The following GRK5 variants were observed in gnomAD, a reference collection of about 807,000 sequenced individuals.
GRK5 encodes g protein-coupled receptor kinase GRK5.
A neutral mutation model predicts 78.4 loss-of-function variants in GRK5; 40 were observed. The ratio of observed to expected loss-of-function variants is 0.51; its 90% CI spans 0.40 to 0.66. GRK5 has a LOEUF of 0.66. GRK5 is among the 30% of genes least tolerant of loss of function. The pLI, the probability that GRK5 is intolerant of heterozygous loss-of-function variation, is 0.00. For missense variants in GRK5, 598 were observed against 759.9 expected, an observed-to-expected ratio of 0.79 and a Z score of 2.50; for synonymous variants, 289 against 296.8, an observed-to-expected ratio of 0.97 and a Z score of 0.27.
chr10:119,398,104 T>C (rs551574474), intron 4 of GRK5, among the ~76,000 whole-genome samples: 8 of 152,350 alleles, frequency 5.3e-5, no homozygotes, highest in African/African-American at 1.4e-4. Context: ...GGGGCCTTGC[T>C]ATGCTCCAGA....
chr10:119,411,517 C>T (rs1378273553), intron 4 of GRK5, among the ~76,000 whole-genome samples: 1 of 152,082 alleles, frequency 6.6e-6, no homozygotes, highest in South Asian at 2.1e-4. Context: ...AAGGGAAGAT[C>T]CAGAGTTTCT....
In GRK5 at chr10:119,271,121, TCAGATAG is replaced by T. The variant is rs1346879643; in HGVS notation, c.53-55392_53-55386del. Among the ~76,000 whole-genome samples, 3 of 152,198 alleles carry T rather than the reference TCAGATAG, an allele frequency of 2.0e-5. No homozygotes were observed. Among genetic ancestry groups the T allele is most frequent in the Non-Finnish European group, 2.9e-5 (2 of 68,038 alleles). On this transcript the variant is annotated intron_variant, in intron 1 of 15. Transcript: ENST00000392870. The surrounding 1 kb of genome is among the most constrained non-coding windows in gnomAD (Gnocchi z 4.1). ...GGCTTTCGTAAGTAAGCTCACACTG[TCAGATAG>T]CACCAGGACCTGGGGTGGCGCCGGC...
intron 2 of GRK5, among the ~76,000 whole-genome samples, chr10:119,373,420 A>T (rs1007034109): frequency 6.6e-6 from 1 of 152,184 alleles, no homozygotes; most frequent in Non-Finnish European, 1.5e-5. Flanking sequence ...TGCTGTTCTC[A>T]TGATAGTGAA....
chr10:119,309,177 C>G (rs1850320791), intron 1 of GRK5, among the ~76,000 whole-genome samples: 1 of 152,216 alleles, frequency 6.6e-6, no homozygotes, highest in South Asian at 2.1e-4. Flanking sequence ...GAAGCCTTCC[C>G]TGATTCCACA....
chr10:119,244,769 G>A (rs538723073), intron 1 of GRK5, among the ~76,000 whole-genome samples: 2 of 152,162 alleles, frequency 1.3e-5, no homozygotes, highest in African/African-American at 4.8e-5. Context: ...AAACCACAAT[G>A]AGCTGTCACC....
intron 1 of GRK5, among the ~76,000 whole-genome samples, chr10:119,304,329 G>A (rs12412957): frequency 0.28 from 35,292 of 124,628 alleles, 5,193 homozygotes; most frequent in East Asian, 0.68. Context: ...TTGCTCTGTT[G>A]CCCAGGCTGG....
intron 5 of GRK5, among the ~76,000 whole-genome samples, chr10:119,423,989 C>T (rs1852623328): frequency 6.6e-6 from 1 of 152,204 alleles, no homozygotes; most frequent in Non-Finnish European, 1.5e-5. Context: ...AACAAGAACC[C>T]AATCCTGGCT....
chr10:119,245,877 G>C (rs1849100072), intron 1 of GRK5, among the ~76,000 whole-genome samples: 1 of 151,794 alleles, frequency 6.6e-6, no homozygotes, highest in Non-Finnish European at 1.5e-5. Context: ...AAAGTTAGCT[G>C]GGCATGGTGG....
chr10:119,230,945 G>A (rs1848817926), intron 1 of GRK5, among the ~76,000 whole-genome samples: 1 of 152,036 alleles, frequency 6.6e-6, no homozygotes, highest in Non-Finnish European at 1.5e-5. Context: ...GGGCCAAATG[G>A]GCAGTGGTTC....
intron 13 of GRK5, among the ~76,000 whole-genome samples, chr10:119,450,117 G>A (rs1193961282): frequency 1.3e-5 from 2 of 152,186 alleles, no homozygotes. Context: ...CCACTCCTTG[G>A]TGTTCCAGGA....
rs1851682192 is a variant in GRK5 at position 119,379,723 on chromosome 10, C to T, written c.149-1092C>T. 6.6e-6 allele frequency among the ~76,000 whole-genome samples: 1 copy of T among 152,158 alleles called. No homozygotes were observed. The highest frequency in any genetic ancestry group is 6.5e-5 in the Admixed American group (1 of 15,280). ...AGACAGCATGTTTCAGTGGTTCCTT[C>T]GAGTATCTTCCTGGCCAGAGAGAAC... On this transcript the variant is annotated intron_variant, in intron 2 of 15. Coordinates refer to ENST00000392870, the MANE Select transcript of GRK5 (RefSeq NM_005308.3). This position sits in a 1 kb window ranked among gnomAD's most constrained non-coding sequence, Gnocchi z 4.1.
intron 4 of GRK5, among the ~76,000 whole-genome samples, chr10:119,419,324 C>G (rs1852525259): frequency 6.6e-6 from 1 of 152,232 alleles, no homozygotes; most frequent in Admixed American, 6.5e-5. Flanking sequence ...AAGAGTCTCT[C>G]TTTGTAAGTG....
rs1042130405 is a variant in GRK5 at position 119,336,694 on chromosome 10, C to G, written c.148+10083C>G. 1.2e-4 allele frequency among the ~76,000 whole-genome samples: 18 copies of G among 152,192 alleles called. No individual in the cohort carries two copies. Among genetic ancestry groups the G allele is most frequent in the Non-Finnish European group, 2.4e-4 (16 of 68,034 alleles). On this transcript the variant is annotated intron_variant, in intron 2 of 15. Coordinates refer to ENST00000392870, the MANE Select transcript of GRK5 (RefSeq NM_005308.3). This position sits in a 1 kb window ranked among gnomAD's most constrained non-coding sequence, Gnocchi z 4.5. ...CTGGCACGTGAGCTCTTGATTTCAT[C>G]GTCAGGGAAACCAAGTCTCTGCAGA...
intron 12 of GRK5, 142 bp from the exon 13 acceptor site, chr10:119,447,981 G>C: frequency 1.0e-6 from 1 of 1,004,780 alleles, no homozygotes; most frequent in East Asian, 3.0e-5. Context: ...CCAAGACTCA[G>C]AGGCAGCCCT....
intron 4 of GRK5, among the ~76,000 whole-genome samples, chr10:119,407,979 C>T (rs1456432444): frequency 6.6e-6 from 1 of 152,048 alleles, no homozygotes; most frequent in East Asian, 1.9e-4. Flanking sequence ...GCCTGACCAA[C>T]ATGGAGAAAC....
intron 1 of GRK5, among the ~76,000 whole-genome samples, chr10:119,317,769 G>A (rs1279498521): frequency 6.6e-6 from 1 of 152,178 alleles, no homozygotes; most frequent in Non-Finnish European, 1.5e-5. Context: ...TGTCTCTTCA[G>A]GTCCTTTTTA....
At position 119,457,879 on chromosome 10, in the gene GRK5, G is replaced by A. The variant is rs532690160; in HGVS notation, c.*2812G>A. 6.7e-6 allele frequency: 1 copy of A among 150,288 alleles called. No individual in the cohort carries two copies. The highest frequency in any genetic ancestry group is 1.5e-5 in the Non-Finnish European group (1 of 67,536). 9.3% of individuals were successfully genotyped at this position (150,288 alleles called of 1,614,324 possible). A position where few individuals can be genotyped will look rare whatever the true frequency, so the allele number is the denominator to read the frequency against. On this transcript the variant is annotated 3_prime_UTR_variant, in exon 16 of 16. Coordinates refer to ENST00000392870, the MANE Select transcript of GRK5 (RefSeq NM_005308.3). ...TTTTTAAAATTTTTTGTAGAGATGG[G>A]GGGGGGGTCTCCCCATGTTGCCCAG...
intron 13 of GRK5, among the ~76,000 whole-genome samples, chr10:119,450,038 T>C (rs995469477): frequency 9.2e-5 from 14 of 152,198 alleles, no homozygotes; most frequent in South Asian, 2.1e-4. Context: ...GTCACTATTA[T>C]GGGAAGTGCC....
In GRK5 at chr10:119,292,579, T is replaced by C. The variant is rs1037713303; in HGVS notation, c.53-33937T>C. 7.9e-5 allele frequency among the ~76,000 whole-genome samples: 12 copies of C among 152,344 alleles called. No individual in the cohort carries two copies. The East Asian group carries it at 2.3e-3, about 29-fold the overall frequency. On this transcript the variant is annotated intron_variant, in intron 1 of 15. Transcript: ENST00000392870. ...TAAGGTTGCTGTGTGCTAGATGGGA[T>C]GCGGTGAGGGACAAGGCTCTCCAAT... is the stretch of plus-strand genomic sequence containing the variant.
Sources: gnomAD v4.1 joint callset for allele counts (sites outside exome capture counted in the v4.1 genomes callset) on GRCh38, gnomAD v4.1.1 for gene constraint, Gnocchi (gnomAD v3.1) non-coding constraint, MANE v1.5 for transcripts, NCBI Gene and HGNC (gene_info 2026-07-23, HGNC 2026-07-21) for gene names.